The following LHPP variants were observed in gnomAD, a reference collection of about 807,000 sequenced individuals.
LHPP encodes the protein hLHPP.
A neutral mutation model predicts 30.3 loss-of-function variants in LHPP; 24 were observed. That is an observed-to-expected ratio of 0.79 (90% CI 0.57 to 1.11). The LOEUF is 1.11. LHPP is among the 50% of genes most tolerant of loss of function. LHPP has a pLI of 0.00. For synonymous variants in LHPP, 150 were observed against 157.1 expected, an observed-to-expected ratio of 0.95 and a Z score of 0.34; for missense variants, 356 against 367.2, an observed-to-expected ratio of 0.97 and a Z score of 0.25.
At chr10:124,568,677 C>T (rs1564835205) in intron 6 of LHPP, among the ~76,000 whole-genome samples, 1 of 152,314 alleles carries the variant, frequency 6.6e-6, no homozygotes, top group East Asian at 1.9e-4. Context: ...TGGGCGTGTG[C>T]TGGCACTGGG....
chr10:124,587,497 T>C (rs1948819731), intron 6 of LHPP, among the ~76,000 whole-genome samples: 1 of 151,026 alleles, frequency 6.6e-6, no homozygotes, highest in East Asian at 2.0e-4. Flanking sequence ...TCCCAGCACT[T>C]TGGGAGGCCG....
chr10:124,545,075 C>T (rs1219453759), intron 6 of LHPP, among the ~76,000 whole-genome samples: 2 of 152,126 alleles, frequency 1.3e-5, no homozygotes, highest in African/African-American at 2.4e-5. Flanking sequence ...CTCTGCCTGC[C>T]ACCTCCCTGG....
At chr10:124,561,556 C>T (rs575807837) in intron 6 of LHPP, among the ~76,000 whole-genome samples, 29 of 152,058 alleles carry the variant, frequency 1.9e-4, no homozygotes, top group Non-Finnish European at 3.1e-4. Flanking sequence ...CAATGGAGCC[C>T]GCATGGGACA....
At chr10:124,465,075 G>A (rs1952518472) in intron 1 of LHPP, among the ~76,000 whole-genome samples, 1 of 152,156 alleles carries the variant, frequency 6.6e-6, no homozygotes, top group South Asian at 2.1e-4. Context: ...TGTGAAGACG[G>A]GAGGGTACTG....
chr10:124,489,198 CA>C (rs1258197213), intron 3 of LHPP, among the ~76,000 whole-genome samples: 3 of 152,290 alleles, frequency 2.0e-5, no homozygotes, highest in African/African-American at 4.8e-5. Flanking sequence ...TACAGATGAG[CA>C]AAAGAAGAAA....
At chr10:124,600,469 C>G (rs1346577834) in intron 6 of LHPP, among the ~76,000 whole-genome samples, 3 of 152,212 alleles carry the variant, frequency 2.0e-5, no homozygotes, top group Non-Finnish European at 2.9e-5. Flanking sequence ...GGCCAGCATG[C>G]CCACACCTCT....
chr10:124,494,422 CT>C (rs1163651851), intron 3 of LHPP, among the ~76,000 whole-genome samples: 3 of 152,198 alleles, frequency 2.0e-5, no homozygotes, highest in Admixed American at 6.5e-5. Flanking sequence ...TTCAGGTTTT[CT>C]TTTGTTGCTG....
In LHPP at chr10:124,490,455, T is replaced by C. The variant is rs376866625; in HGVS notation, c.467+1880T>C. The C allele has an allele frequency of 1.2e-4, 41 of 340,166 alleles. 1 individual carries two copies. In the East Asian group the frequency reaches 2.7e-3, roughly 23 times the overall value. 21.1% of individuals were successfully genotyped at this position (340,166 alleles called of 1,614,324 possible). On this transcript the variant is annotated intron_variant, in intron 3 of 6. Transcript: ENST00000368842. ...CTGCCTGGCCTTCATGACGTGAAGG[T>C]TGGGCACATTCTCATCTGCCAGCTC...
rs555515637 is a variant in LHPP, at chr10:124,593,500, C to A, written c.717-19764C>A. On this transcript the variant is annotated intron_variant, in intron 6 of 6. Coordinates refer to ENST00000368842, the MANE Select transcript of LHPP (RefSeq NM_022126.4). This position sits in a 1 kb window ranked among gnomAD's most constrained non-coding sequence, Gnocchi z 4.9. The stretch of plus-strand genomic sequence containing the variant: ...AGTTGTTTCCAGCATTAGAGTCACA[C>A]TGGGGTCCTTGTTCTAGCCCCCGTG... Among the ~76,000 whole-genome samples the A allele has an allele frequency of 2.6e-5, 4 of 152,204 alleles. No individual in the cohort carries two copies. Among genetic ancestry groups the A allele is most frequent in the Non-Finnish European group, 4.4e-5 (3 of 68,036 alleles).
chr10:124,509,210 T>G (rs1954240133), intron 5 of LHPP, among the ~76,000 whole-genome samples: 1 of 152,208 alleles, frequency 6.6e-6, no homozygotes, highest in East Asian at 1.9e-4. Context: ...GACCTTGTTC[T>G]TTTTTAGGGG....
rs553711547 is a variant in LHPP at position 124,598,310 on chromosome 10, C to T, written c.717-14954C>T. Reference sequence around the variant, plus strand: ...CTTCCGCTTCTCTGTCTCAGGGGGTCCAGGGTGGCCCCTTGCCACTGGTCC... The same window carrying T: ...CTTCCGCTTCTCTGTCTCAGGGGGTTCAGGGTGGCCCCTTGCCACTGGTCC... On this transcript the variant is annotated intron_variant, in intron 6 of 6. Transcript: ENST00000368842. 2.7e-3 allele frequency among the ~76,000 whole-genome samples: 417 copies of T among 152,356 alleles called. 5 individuals are homozygous for T. The highest frequency in any genetic ancestry group is 5.2e-3 in the Non-Finnish European group (351 of 68,020).
intron 6 of LHPP, among the ~76,000 whole-genome samples, chr10:124,540,397 A>AG (rs1023128140): frequency 2.2e-4 from 34 of 152,134 alleles, no homozygotes; most frequent in African/African-American, 7.7e-4. Flanking sequence ...GGCTAGGGCC[A>AG]GGGGGGCTGC....
At chr10:124,498,184 T>TCAGGGAGGCCGCCCCGTCAG in intron 5 of LHPP, 56 bp downstream of exon 5, 1 of 1,339,110 alleles carries the variant, frequency 7.5e-7, no homozygotes, top group Non-Finnish European at 1.0e-6. Flanking sequence ...AGGGAGGCCC[T>TCAGGGAGGCCGCCCCGTCAG]GGAGCTTGGA....
intron 6 of LHPP, among the ~76,000 whole-genome samples, chr10:124,572,152 G>T (rs937017241): frequency 2.0e-4 from 31 of 152,192 alleles, no homozygotes; most frequent in African/African-American, 7.5e-4. Flanking sequence ...GGCCATCACG[G>T]GCCTTGCACA....
chr10:124,486,771 A>G (rs932979944), intron 2 of LHPP, among the ~76,000 whole-genome samples: 1 of 152,232 alleles, frequency 6.6e-6, no homozygotes, highest in Non-Finnish European at 1.5e-5. Context: ...GCAGGGATAC[A>G]GAAACAGGTG....
Position 124,610,950 on chromosome 10 carries a change from A to G in LHPP, c.717-2314A>G, listed in dbSNP as rs368035642. Among the ~76,000 whole-genome samples the G allele has an allele frequency of 5.5e-3, 251 of 45,602 alleles. 4 individuals carry two copies. The highest frequency in any genetic ancestry group is 0.022 in the East Asian group (24 of 1,090). The allele number at this position is 45,602 out of a possible 152,430, so 29.9% of individuals were successfully genotyped here. ...GGCGAGGGTGAGGGTGAGGGTGCTG[A>G]TGGAGCGGGTGAGGGTGCGGGTGAG... On this transcript the variant is annotated intron_variant, in intron 6 of 6. Coordinates refer to ENST00000368842, the MANE Select transcript of LHPP (RefSeq NM_022126.4).
chr10:124,477,166 GCACTC>G (rs1273357198), intron 1 of LHPP, among the ~76,000 whole-genome samples: 1 of 152,192 alleles, frequency 6.6e-6, no homozygotes, highest in Non-Finnish European at 1.5e-5. Context: ...TTGTGCCACT[GCACTC>G]CAGCCTGGGC....
At chr10:124,505,223 T>C (rs1180790311) in intron 5 of LHPP, among the ~76,000 whole-genome samples, 2 of 152,172 alleles carry the variant, frequency 1.3e-5, no homozygotes, top group Non-Finnish European at 2.9e-5. Context: ...ATTTTAAAGC[T>C]GTATTTCAAG....
chr10:124,486,824 CTG>C (rs1468407949), intron 2 of LHPP, among the ~76,000 whole-genome samples: 2 of 152,242 alleles, frequency 1.3e-5, no homozygotes, highest in Admixed American at 6.5e-5. Flanking sequence ...TCTGGTCAGA[CTG>C]AGAGAGCAGG....
Sources: allele counts gnomAD v4.1 joint callset (sites outside exome capture counted in the v4.1 genomes callset), GRCh38; gene constraint gnomAD v4.1.1; non-coding constraint Gnocchi (gnomAD v3.1); transcripts MANE v1.5; gene names NCBI Gene and HGNC (gene_info 2026-07-23, HGNC 2026-07-21).